LRIG2: variants seen among roughly 807,000 people sequenced by gnomAD.
LRIG2 encodes the protein leucine rich repeats and immunoglobulin like domains 2.
Under a neutral mutation model 107.8 loss-of-function variants are expected in LRIG2, and 93 were observed. That is an observed-to-expected ratio of 0.86 (90% confidence interval 0.73 to 1.03). The LOEUF (loss-of-function observed/expected upper bound fraction) is 1.03. Among genes scored for constraint, LRIG2 ranks in the 50% least tolerant of loss-of-function variants. LRIG2 has a pLI of 0.00. For missense variants in LRIG2, 1,226 were observed against 1,296.0 expected, an observed-to-expected ratio of 0.95 and a Z score of 0.83; for synonymous variants, 471 against 470.6, an observed-to-expected ratio of 1.00 and a Z score of -0.01.
chr1:113,083,903 A>G (rs902814353), intron 1 of LRIG2, among the ~76,000 whole-genome samples: 7 of 149,430 alleles, frequency 4.7e-5, no homozygotes, highest in Admixed American at 1.3e-4. Flanking sequence ...ACCTAATGTA[A>G]ATGATGAGTT....
intron 1 of LRIG2, among the ~76,000 whole-genome samples, chr1:113,079,684 GA>G (rs1305584315): frequency 1.5e-5 from 2 of 133,484 alleles, no homozygotes; most frequent in African/African-American, 2.8e-5. Flanking sequence ...AAAAAAAAAA[GA>G]AAAAAAGAAA....
intron 16 of LRIG2, among the ~76,000 whole-genome samples, chr1:113,117,487 C>CT (rs374663427): frequency 4.8e-4 from 73 of 151,980 alleles, no homozygotes; most frequent in East Asian, 2.7e-3. Context: ...AGTTCTGACT[C>CT]TTTTTTTTGT....
In LRIG2 at chr1:113,081,231, A is replaced by C. The variant is rs149172897; in HGVS notation, c.239+7586A>C. Among the ~76,000 whole-genome samples, 147 of 152,258 alleles carry C rather than the reference A, an allele frequency of 9.7e-4. 1 individual carries two copies. Among genetic ancestry groups the C allele is most frequent in the African/African-American group, 3.1e-3 (129 of 41,556 alleles). ...TCAAAATTCGGAAAAACGTATCCACAAGTAATCTTTCATTTTTTCCCTTAT... is the reference window on the plus strand; with the variant it reads ...TCAAAATTCGGAAAAACGTATCCACCAGTAATCTTTCATTTTTTCCCTTAT... On this transcript the variant is annotated intron_variant, in intron 1 of 17. Coordinates refer to ENST00000361127, the MANE Select transcript of LRIG2 (RefSeq NM_014813.3).
chr1:113,114,604 T>C lies in LRIG2; in HGVS notation c.2258T>C (p.Ile753Thr), dbSNP rs367903537. The C allele has an allele frequency of 5.0e-6, 8 of 1,614,132 alleles. No individual in the cohort carries two copies. The East Asian group carries it at 1.8e-4, about 36-fold the overall frequency. The change falls in exon 15 of 18, where the codon ATT (isoleucine) becomes ACT (threonine). Residue 753 changes from isoleucine to threonine, a missense_variant. This residue lies in a region of LRIG2 where 642 missense variants were observed against 712.2 expected (regional missense o/e 0.90). Coordinates refer to ENST00000361127, the MANE Select transcript of LRIG2 (RefSeq NM_014813.3). ...GCTGCAGCCAATCAGCTTCTCATCA[T>C]TGTAGATGCCGGGCTAGAAGATGCT... The part of the protein sequence containing the change: ...FFAAANQLLI[I>T]VDAGLEDAGK...
chr1:113,114,117 G>A lies in LRIG2; in HGVS notation c.2081-310G>A, dbSNP rs139077162. Among the ~76,000 whole-genome samples the A allele has an allele frequency of 7.2e-3, 1,088 of 151,666 alleles. 15 individuals carry two copies. Among genetic ancestry groups the A allele is most frequent in the African/African-American group, 0.024 (999 of 41,406 alleles). The stretch of plus-strand genomic sequence containing the variant: ...CACATTTTGTAGTAAACATCTTTGC[G>A]TATAAATCTTTGAATTTCTTTTTTT... On this transcript the variant is annotated intron_variant, in intron 14 of 17. Transcript: ENST00000361127.
Position 113,093,651 on chromosome 1 carries a change from A to C in LRIG2, c.515+87A>C, listed in dbSNP as rs183519419. On this transcript the variant is annotated intron_variant, in intron 4 of 17. Coordinates refer to ENST00000361127, the MANE Select transcript of LRIG2 (RefSeq NM_014813.3). ...GGTGGGGGGAGGGGGCAGGGATAGC[A>C]CTGGGAGATATACCTAATGCTAGAT... 3 of 733,676 alleles carry C rather than the reference A, an allele frequency of 4.1e-6. No individual in the cohort carries two copies. In the Admixed American group the frequency reaches 6.9e-5, roughly 17 times the overall value. 45.4% of individuals were successfully genotyped at this position (733,676 alleles called of 1,614,324 possible).
intron 1 of LRIG2, among the ~76,000 whole-genome samples, chr1:113,075,094 G>T (rs1652910177): frequency 6.6e-6 from 1 of 151,576 alleles, no homozygotes; most frequent in African/African-American, 2.4e-5. Context: ...GCGCGTGCCT[G>T]TAATACTAGC....
Position 113,100,435 on chromosome 1 carries a change from T to C in LRIG2, c.1260T>C (p.Asn420=). ...TTTATTTCAGAGATTTGAACAATAA[T>C]GCTATAATGTCTATCCAAGAAAATG... is the stretch of plus-strand genomic sequence containing the variant. ...ESLEHLDLNN[N]AIMSIQENAF... is the part of the protein sequence containing the mutation. The change falls in exon 11 of 18, where the codon AAT becomes AAC. Residue 420 remains asparagine (N), a synonymous_variant. Coordinates refer to ENST00000361127, the MANE Select transcript of LRIG2 (RefSeq NM_014813.3). The C allele has an allele frequency of 6.5e-7, 1 of 1,534,188 alleles. No homozygotes were observed. Among genetic ancestry groups the C allele is most frequent in the Non-Finnish European group, 9.0e-7 (1 of 1,111,998 alleles).
At chr1:113,105,241 T>C (rs1022564959) in intron 11 of LRIG2, among the ~76,000 whole-genome samples, 1 of 152,176 alleles carries the variant, frequency 6.6e-6, no homozygotes, top group Non-Finnish European at 1.5e-5. Flanking sequence ...CTGTGTCTTT[T>C]GCTTCTTTCC....
At chr1:113,080,658 GTGAGCCAC>G (rs1653228829) in intron 1 of LRIG2, among the ~76,000 whole-genome samples, 2 of 151,792 alleles carry the variant, frequency 1.3e-5, no homozygotes, top group African/African-American at 4.8e-5. Flanking sequence ...GATTACAGGC[GTGAGCCAC>G]TGTGCCCGGC....
intron 8 of LRIG2, among the ~76,000 whole-genome samples, chr1:113,098,201 C>G (rs986286095): frequency 6.6e-6 from 1 of 152,038 alleles, no homozygotes; most frequent in Non-Finnish European, 1.5e-5. Flanking sequence ...TTTTTGCTTC[C>G]CATGGGGCAT....
In LRIG2 at chr1:113,128,094, T is replaced by A. The variant is rs1265824390; in HGVS notation, c.*3993T>A. The A allele has an allele frequency of 6.6e-6, 1 of 152,124 alleles. No individual in the cohort carries two copies. Among genetic ancestry groups the A allele is most frequent in the East Asian group, 1.9e-4 (1 of 5,192 alleles). 9.4% of individuals were successfully genotyped at this position (152,124 alleles called of 1,614,324 possible). A position where few individuals can be genotyped will look rare whatever the true frequency, so the allele number is the denominator to read the frequency against. ...CTATTTTTAAGTCCTGGTTCAAGGGTTCCAAACTCACATAATTTCTCAACT... is the reference window on the plus strand; with the variant it reads ...CTATTTTTAAGTCCTGGTTCAAGGGATCCAAACTCACATAATTTCTCAACT... On this transcript the variant is annotated 3_prime_UTR_variant, in exon 18 of 18. Coordinates refer to ENST00000361127, the MANE Select transcript of LRIG2 (RefSeq NM_014813.3).
Position 113,095,979 on chromosome 1 carries a change from C to A in LRIG2, c.909C>A (p.Ser303Arg), listed in dbSNP as rs376586063. 6.2e-7 allele frequency: 1 copy of A among 1,614,014 alleles called. No homozygotes were observed. Among genetic ancestry groups the A allele is most frequent in the Non-Finnish European group, 8.5e-7 (1 of 1,180,032 alleles). Residue 303 changes from serine (S) to arginine (R), a missense_variant, in exon 7 of 18, where the codon AGC becomes AGA. Ser to Arg is a moderately radical substitution (Grantham distance 110). This residue lies in a region of LRIG2 where 570 missense variants were observed against 550.2 expected (regional missense o/e 1.04). Transcript: ENST00000361127. Reference protein sequence around the residue: ...YVSQNAIERISPDAWEFCQRL... With the variant: ...YVSQNAIERIRPDAWEFCQRL... ...GCCAGAATGCTATTGAAAGAATCAG[C>A]CCTGATGCATGGGAGTTCTGCCAAA... is the stretch of plus-strand genomic sequence containing the variant.
chr1:113,090,663 C>G (rs1218934406), intron 1 of LRIG2, among the ~76,000 whole-genome samples: 1 of 151,320 alleles, frequency 6.6e-6, no homozygotes, highest in Non-Finnish European at 1.5e-5. Flanking sequence ...TGGTGAAACC[C>G]CGTCTCTACT....
chr1:113,123,870 C>G lies in LRIG2; in HGVS notation c.2972-5C>G. On this transcript the variant is annotated splice_polypyrimidine_tract_variant and splice_region_variant and intron_variant, in intron 17 of 17. Transcript: ENST00000361127. ...CTACTGATAATTCTTGTCTTTCATT[C>G]TCAGAAACATTGCAGCGGCCCGTGT... 1 of 1,611,834 alleles carries G rather than the reference C, an allele frequency of 6.2e-7. No individual in the cohort carries two copies. The highest frequency in any genetic ancestry group is 1.1e-5 in the South Asian group (1 of 90,936).
chr1:113,094,005 T>G (rs1468781739), intron 4 of LRIG2, among the ~76,000 whole-genome samples: 1 of 152,138 alleles, frequency 6.6e-6, no homozygotes, highest in African/African-American at 2.4e-5. Context: ...TGAGATTCAA[T>G]TTTGTTTGTT....
intron 1 of LRIG2, among the ~76,000 whole-genome samples, chr1:113,074,130 C>T (rs1251658150): frequency 2.6e-5 from 4 of 152,058 alleles, no homozygotes; most frequent in Non-Finnish European, 5.9e-5. Context: ...GTCCTTAGTT[C>T]GCATGTTGGC....
At position 113,119,301 on chromosome 1, in the gene LRIG2, GA is replaced by G; in HGVS notation, c.2751del (p.Glu917AspfsTer31). On this transcript the variant is annotated frameshift_variant, in exon 17 of 18. Transcript: ENST00000361127. LOFTEE classifies it high-confidence loss of function. ...DNANIYSRTREYCPYTYIAEE... is the reference protein window; with the variant it reads ...DNANIYSRTRXYCPYTYIAEE... ...TGCCAACATCTACTCCAGGACCCGA[GA>G]ATACTGTCCATACACCTATATTGCT... 1 of 1,614,076 alleles carries G rather than the reference GA, an allele frequency of 6.2e-7. No homozygotes were observed. The highest frequency in any genetic ancestry group is 8.5e-7 in the Non-Finnish European group (1 of 1,180,014).
At position 113,073,422 on chromosome 1, in the gene LRIG2, C is replaced by G. The variant is rs746542979; in HGVS notation, c.16C>G (p.Leu6Val). 9 of 1,613,888 alleles carry G rather than the reference C, an allele frequency of 5.6e-6. No individual in the cohort carries two copies. The Middle Eastern group carries it at 6.6e-4, about 118-fold the overall frequency. The change falls in exon 1 of 18, where the codon CTA becomes GTA. Residue 6 changes from leucine to valine, a missense_variant. This residue lies in a region of LRIG2 where 570 missense variants were observed against 550.2 expected (regional missense o/e 1.04). Coordinates refer to ENST00000361127, the MANE Select transcript of LRIG2 (RefSeq NM_014813.3). MAPAP[L>V]GVPEEQLLGC... ...GAGGGGGAAAATGGCGCCGGCGCCC[C>G]TAGGCGTCCCGGAGGAGCAGTTGCT...
Sources: gnomAD v4.1 joint callset for allele counts (sites outside exome capture counted in the v4.1 genomes callset) on GRCh38, gnomAD v4.1.1 for gene constraint, gnomAD v4.1.1 regional missense constraint, MANE v1.5 for transcripts, NCBI Gene and HGNC (gene_info 2026-07-23, HGNC 2026-07-21) for gene names.